ASTN1: variants seen among roughly 807,000 people sequenced by gnomAD.
The protein encoded by ASTN1 is astrotactin-1.
Under a neutral mutation model 140.7 loss-of-function variants are expected in ASTN1, and 41 were observed. The observed-to-expected ratio is 0.29, with a 90% CI of 0.23 to 0.38. The LOEUF is 0.38. Among genes scored for constraint, ASTN1 ranks in the 10% least tolerant of loss-of-function variants. The probability of loss-of-function intolerance (pLI) is 1.00; values close to 1 mark genes in which losing one functional copy is unlikely to be tolerated. For missense variants in ASTN1, 1,479 were observed against 1,678.8 expected (o/e 0.88, Z 2.08); for synonymous variants, 640 against 652.2 (o/e 0.98, Z 0.29).
chr1:177,003,958 T>C (rs559206052), intron 8 of ASTN1, among the ~76,000 whole-genome samples: 2 of 152,242 alleles, frequency 1.3e-5, no homozygotes, highest in South Asian at 4.2e-4. Flanking sequence ...AACATAGTAT[T>C]AGAAGTCCTA....
rs1211171283 is a variant in ASTN1 at position 176,927,257 on chromosome 1, G to A, written c.2671+6895C>T. Among the ~76,000 whole-genome samples, 6 of 152,192 alleles carry A rather than the reference G, an allele frequency of 3.9e-5. No individual in the cohort carries two copies. In the South Asian group the frequency reaches 1.0e-3, roughly 26 times the overall value. On this transcript the variant is annotated intron_variant, in intron 16 of 22. Transcript: ENST00000361833. Reference sequence around the variant, plus strand: ...TATGTAGAAAAAAAATGTGGATTACGAACGAGAATGTGCAGTGGAAAGGAA... The same window carrying A: ...TATGTAGAAAAAAAATGTGGATTACAAACGAGAATGTGCAGTGGAAAGGAA...
At chr1:176,921,400 G>A (rs1670716978) in intron 16 of ASTN1, among the ~76,000 whole-genome samples, 1 of 152,132 alleles carries the variant, frequency 6.6e-6, no homozygotes. Context: ...GTTGGTTTAG[G>A]TCAAAGTATT....
intron 8 of ASTN1, among the ~76,000 whole-genome samples, chr1:176,993,994 T>A (rs956609437): frequency 2.0e-5 from 3 of 151,978 alleles, no homozygotes; most frequent in Non-Finnish European, 4.4e-5. Flanking sequence ...AGTGACTCAT[T>A]TAGATGTGAG....
At position 176,882,951 on chromosome 1, in the gene ASTN1, C is replaced by T. The variant is rs1188104180; in HGVS notation, c.3270G>A (p.Lys1090=). The T allele has an allele frequency of 6.2e-7, 1 of 1,614,114 alleles. No homozygotes were observed. Among genetic ancestry groups the T allele is most frequent in the Middle Eastern group, 1.7e-4 (1 of 6,060 alleles). Reference sequence around the variant, plus strand: ...CCTGAGATGGCATTGCACAAGGAGACTTTGCTCCAGAGATGATGTCGTCCA... The same window carrying T: ...CCTGAGATGGCATTGCACAAGGAGATTTTGCTCCAGAGATGATGTCGTCCA... ...SFVDDIISGA[K]SPCAMPSQVP... The change falls in exon 20 of 23, where the codon AAG becomes AAA. Residue 1090 remains lysine, a synonymous_variant. Coordinates refer to ENST00000361833, the MANE Select transcript of ASTN1 (RefSeq NM_004319.3).
At position 176,963,835 on chromosome 1, in the gene ASTN1, T is replaced by A. The variant is rs550963387; in HGVS notation, c.1598+1328A>T. ...GAGAAAAAGTCAGCCGAATGATAAA[T>A]CCTTGTTGGAAAGTTTAATGCCCAT... On this transcript the variant is annotated intron_variant, in intron 9 of 22. Transcript: ENST00000361833. Among the ~76,000 whole-genome samples the A allele has an allele frequency of 1.2e-4, 18 of 152,282 alleles. No homozygotes were observed. In the South Asian group the frequency reaches 3.7e-3, roughly 32 times the overall value.
chr1:177,107,578 T>G (rs1311933580), intron 1 of ASTN1, among the ~76,000 whole-genome samples: 2 of 152,188 alleles, frequency 1.3e-5, no homozygotes, highest in Non-Finnish European at 2.9e-5. Context: ...AGCAGAGGGA[T>G]GAAGAATAGT....
At chr1:177,020,471 GTCC>G (rs1157319010) in intron 7 of ASTN1, among the ~76,000 whole-genome samples, 1 of 152,090 alleles carries the variant, frequency 6.6e-6, no homozygotes, top group Non-Finnish European at 1.5e-5. Flanking sequence ...GGCTGCTTGA[GTCC>G]TCCTCACATC....
intron 1 of ASTN1, among the ~76,000 whole-genome samples, chr1:177,128,224 T>C (rs553548475): frequency 6.6e-6 from 1 of 152,300 alleles, no homozygotes; most frequent in African/African-American, 2.4e-5. Flanking sequence ...TCCATTTCTT[T>C]TTCTCACAAG....
At chr1:177,020,941 G>T (rs776191702) in intron 7 of ASTN1, among the ~76,000 whole-genome samples, 1 of 152,154 alleles carries the variant, frequency 6.6e-6, no homozygotes, top group Non-Finnish European at 1.5e-5. Context: ...AGTATGGCTG[G>T]GAAAGCACAT....
At chr1:177,085,568 C>T (rs969557017) in intron 1 of ASTN1, among the ~76,000 whole-genome samples, 1 of 152,128 alleles carries the variant, frequency 6.6e-6, no homozygotes, top group African/African-American at 2.4e-5. Flanking sequence ...CACTTACTGG[C>T]CATATGACCC....
chr1:176,960,554 T>C (rs1318019570), intron 9 of ASTN1, among the ~76,000 whole-genome samples: 1 of 152,204 alleles, frequency 6.6e-6, no homozygotes, highest in Non-Finnish European at 1.5e-5. Context: ...CTCTTCTGAA[T>C]ACATTAATAT....
At chr1:177,148,219 C>A (rs1682805501) in intron 1 of ASTN1, among the ~76,000 whole-genome samples, 1 of 152,008 alleles carries the variant, frequency 6.6e-6, no homozygotes, top group African/African-American at 2.4e-5. Context: ...GAGATCAAGA[C>A]CATCCTGGCT....
In ASTN1 at chr1:176,965,284, C is replaced by G. The variant is rs377736205; in HGVS notation, c.1524-47G>C. ...AATTAAATTCAACTCAACAAATACT[C>G]ACTGAACACCCACTTCGTATCAGGC... is the stretch of plus-strand genomic sequence containing the variant. On this transcript the variant is annotated intron_variant, in intron 8 of 22. Transcript: ENST00000361833. 90 of 1,587,126 alleles carry G rather than the reference C, an allele frequency of 5.7e-5. 1 individual carries two copies. The African/African-American group carries it at 9.8e-4, about 17-fold the overall frequency.
chr1:176,857,580 C>A (rs767279324), downstream of ASTN1: 1 of 581,762 alleles, frequency 1.7e-6, no homozygotes, highest in Non-Finnish European at 3.1e-6. Flanking sequence ...AGGGGAAATA[C>A]CCTGGCTGCC....
At chr1:176,947,609 T>C (rs1020144868) in intron 12 of ASTN1, among the ~76,000 whole-genome samples, 1 of 152,222 alleles carries the variant, frequency 6.6e-6, no homozygotes, top group African/African-American at 2.4e-5. Context: ...GAGGATTCCA[T>C]GACACCAGCT....
chr1:176,885,406 A>G (rs1008834236), intron 18 of ASTN1, among the ~76,000 whole-genome samples: 11 of 152,116 alleles, frequency 7.2e-5, no homozygotes, highest in Non-Finnish European at 1.6e-4. Flanking sequence ...ATTCACAGCC[A>G]CCTTCTGATT....
At chr1:176,975,951 T>C (rs1673344245) in intron 8 of ASTN1, 1 of 152,200 alleles carries the variant, frequency 6.6e-6, no homozygotes, top group East Asian at 1.9e-4. Context: ...TGGCATTCTG[T>C]ATAATATAAT....
chr1:176,891,126 A>T (rs1669245401), intron 17 of ASTN1, among the ~76,000 whole-genome samples: 1 of 152,248 alleles, frequency 6.6e-6, no homozygotes. Context: ...GAAGAGAGGA[A>T]TTAAGAAGGA....
downstream of ASTN1, among the ~76,000 whole-genome samples, chr1:176,859,391 T>C (rs1557915629): frequency 6.6e-6 from 1 of 152,188 alleles, no homozygotes; most frequent in Non-Finnish European, 1.5e-5. Context: ...TCTCATCTCC[T>C]TTCCACAGTG....
Sources: gnomAD v4.1 joint callset for allele counts (sites outside exome capture counted in the v4.1 genomes callset) on GRCh38, gnomAD v4.1.1 for gene constraint, MANE v1.5 for transcripts, NCBI Gene and HGNC (gene_info 2026-07-23, HGNC 2026-07-21) for gene names.